Variants in NDUFB8 observed in about 807,000 individuals in gnomAD.
NDUFB8 encodes the protein NADH dehydrogenase [ubiquinone] 1 beta subcomplex subunit 8, mitochondrial.
NDUFB8 carries 17 observed loss-of-function variants against 26.0 expected under a neutral mutation model. The observed-to-expected ratio is 0.65, with a 90% confidence interval of 0.45 to 0.98. The LOEUF is 0.98. Ranked by LOEUF, NDUFB8 falls within the 50% of genes least tolerant of loss-of-function variation. The pLI is 0.00. For synonymous variants in NDUFB8, 89 were observed against 93.1 expected, an observed-to-expected ratio of 0.96 and a Z score of 0.25; for missense variants, 238 against 255.0, an observed-to-expected ratio of 0.93 and a Z score of 0.45.
Position 100,529,865 on chromosome 10 carries a change from A to T in NDUFB8, c.-14T>A. 1 of 1,613,318 alleles carries T rather than the reference A, an allele frequency of 6.2e-7. No homozygotes were observed. Among genetic ancestry groups the T allele is most frequent in the South Asian group, 1.1e-5 (1 of 90,970 alleles). On this transcript the variant is annotated 5_prime_UTR_variant, in exon 1 of 5. Coordinates refer to ENST00000299166, the MANE Select transcript of NDUFB8 (RefSeq NM_005004.4). ...GGCCACCGCCATCTTCACCTTCTTC[A>T]CGTTTCCCTTCTGCACATGCGCAAA...
Position 100,529,446 on chromosome 10 carries a change from GC to G in NDUFB8, c.145del (p.Ala49ProfsTer49). On this transcript the variant is annotated frameshift_variant, in exon 2 of 5. Transcript: ENST00000299166. LOFTEE classifies it high-confidence loss of function. Reference sequence around the variant, plus strand: ...CATATTATACTTCTTGGCGGCGGCGGCCCGTTCTTCTGGGGTCCTAGGATAG... The same window carrying G: ...CATATTATACTTCTTGGCGGCGGCGGCCGTTCTTCTGGGGTCCTAGGATAG... ...GPYPRTPEERAAAAKKYNMRV... is the reference protein window; with the variant it reads ...GPYPRTPEERXAAAKKYNMRV... 1 of 1,612,690 alleles carries G rather than the reference GC, an allele frequency of 6.2e-7. No homozygotes were observed. The highest frequency in any genetic ancestry group is 8.5e-7 in the Non-Finnish European group (1 of 1,179,590).
chr10:100,524,164 GAGGGAAGGGGGTT>G lies in NDUFB8; in HGVS notation c.469-248_469-236del. The G allele has an allele frequency of 6.5e-7, 1 of 1,547,188 alleles. No homozygotes were observed. The highest frequency in any genetic ancestry group is 8.8e-7 in the Non-Finnish European group (1 of 1,136,414). On this transcript the variant is annotated intron_variant, in intron 4 of 4. Coordinates refer to ENST00000299166, the MANE Select transcript of NDUFB8 (RefSeq NM_005004.4). This position sits in a 1 kb window ranked among gnomAD's most constrained non-coding sequence, Gnocchi z 4.0. ...ACTGTGAGAGAGAAGGAGAAAGGGG[GAGGGAAGGGGGTT>G]AGGGAAAGGAGGGGAAGGGAGGAAG...
rs761657977 is a variant in NDUFB8 at position 100,529,785 on chromosome 10, G to A, written c.67C>T (p.Pro23Ser). The A allele has an allele frequency of 6.2e-7, 1 of 1,613,432 alleles. No individual in the cohort carries two copies. Among genetic ancestry groups the A allele is most frequent in the South Asian group, 1.1e-5 (1 of 90,986 alleles). Reference sequence around the variant, plus strand: ...CGCGGACCTGTCCGTGCGCCCAGCGGCATCACGTTCCGGGATGCCCTTTGC... The same window carrying A: ...CGCGGACCTGTCCGTGCGCCCAGCGACATCACGTTCCGGGATGCCCTTTGC... ...WLQRASRNVM[P>S]LGARTASHMT... Residue 23 changes from proline (P) to serine (S), a missense_variant, in exon 1 of 5, where the codon CCG becomes TCG. Pro to Ser is a moderately conservative substitution (Grantham distance 74). Coordinates refer to ENST00000299166, the MANE Select transcript of NDUFB8 (RefSeq NM_005004.4).
In NDUFB8 at chr10:100,526,584, T is replaced by C. The variant is rs550290463; in HGVS notation, c.313-30A>G. On this transcript the variant is annotated intron_variant, in intron 3 of 4. Transcript: ENST00000299166. ...GGCAGAAAGACAAATAGCTGTCACA[T>C]ACTACTCTTCCTGCAAAATGCAGGC... 6.8e-6 allele frequency: 11 copies of C among 1,612,612 alleles called. No homozygotes were observed. The Admixed American group carries it at 8.4e-5, about 12-fold the overall frequency.
rs200080913 is a variant in NDUFB8, at chr10:100,526,520, C to T, written c.347G>A (p.Arg116His). Residue 116 changes from arginine to histidine, a missense_variant, in exon 4 of 5, where the codon CGT becomes CAT. Physicochemically the swap from Arg to His is conservative, Grantham distance 29 (BLOSUM62 0). Coordinates refer to ENST00000299166, the MANE Select transcript of NDUFB8 (RefSeq NM_005004.4). ...AACAGGTGTGGGGGATGTATCCACA[C>T]GGTTCCTGTTGTACATGTCTAGGTG... ...HWHLDMYNRN[R>H]VDTSPTPVSW... 144 of 1,612,472 alleles carry T rather than the reference C, an allele frequency of 8.9e-5. No individual in the cohort carries two copies. Among genetic ancestry groups the T allele is most frequent in the Middle Eastern group, 3.3e-4 (2 of 6,070 alleles).
At chr10:100,526,725 C>A in intron 3 of NDUFB8, 171 bp from the exon 4 acceptor site, 1 of 851,288 alleles carries the variant, frequency 1.2e-6, no homozygotes, top group Admixed American at 2.7e-5. Context: ...AGATGCTGGC[C>A]TCTGTCTAGG....
chr10:100,526,620 T>C lies in NDUFB8; in HGVS notation c.313-66A>G, dbSNP rs1234461416. ...CTGCAAAATGCAGGCAAGTCCCCAG[T>C]GATTAGAGCCTGATACAAGGCTAGA... On this transcript the variant is annotated intron_variant, in intron 3 of 4. Transcript: ENST00000299166. 6.3e-6 allele frequency: 10 copies of C among 1,576,642 alleles called. No homozygotes were observed. The African/African-American group carries it at 9.5e-5, about 15-fold the overall frequency.
chr10:100,524,140 C>T lies in NDUFB8; in HGVS notation c.469-211G>A. ...AATTGTAAGAGAAGTGGTGCCTACACTGTGAGAGAGAAGGAGAAAGGGGGA... is the reference window on the plus strand; with the variant it reads ...AATTGTAAGAGAAGTGGTGCCTACATTGTGAGAGAGAAGGAGAAAGGGGGA... On this transcript the variant is annotated intron_variant, in intron 4 of 4. Coordinates refer to ENST00000299166, the MANE Select transcript of NDUFB8 (RefSeq NM_005004.4). This position sits in a 1 kb window ranked among gnomAD's most constrained non-coding sequence, Gnocchi z 4.0. 6.4e-7 allele frequency: 1 copy of T among 1,569,634 alleles called. No homozygotes were observed. The highest frequency in any genetic ancestry group is 1.4e-5 in the African/African-American group (1 of 71,990).
Position 100,524,088 on chromosome 10 carries a change from C to T in NDUFB8, c.469-159G>A. 1 of 1,578,756 alleles carries T rather than the reference C, an allele frequency of 6.3e-7. No individual in the cohort carries two copies. The highest frequency in any genetic ancestry group is 1.2e-5 in the South Asian group (1 of 86,406). The stretch of plus-strand genomic sequence containing the variant: ...GCAGGAACAGCACTCCTCTTCCTCA[C>T]TCAGCCCAAGGCAGAGAGAAAGCCT... On this transcript the variant is annotated intron_variant, in intron 4 of 4. Transcript: ENST00000299166. The surrounding 1 kb of genome is among the most constrained non-coding windows in gnomAD (Gnocchi z 4.0).
chr10:100,529,659 C>T, intron 1 of NDUFB8, 108 bp downstream of exon 1: 1 of 1,537,080 alleles, frequency 6.5e-7, no homozygotes, highest in Non-Finnish European at 8.9e-7. Context: ...ACGCCACCTC[C>T]ACTCCCTACC....
At chr10:100,525,490 C>G (rs1277166852) in intron 4 of NDUFB8, among the ~76,000 whole-genome samples, 1 of 151,988 alleles carries the variant, frequency 6.6e-6, no homozygotes, top group Non-Finnish European at 1.5e-5. Context: ...AACTCCTGAG[C>G]TCAAGCAATC....
intron 2 of NDUFB8, 78 bp from the exon 3 acceptor site, chr10:100,527,152 G>A: frequency 8.4e-7 from 1 of 1,185,424 alleles, no homozygotes; most frequent in South Asian, 1.3e-5. Context: ...TTATAGATGA[G>A]AAACAAAGTG....
At chr10:100,526,176 C>T (rs1852046874) in intron 4 of NDUFB8, 1 of 436,770 alleles carries the variant, frequency 2.3e-6, no homozygotes, top group South Asian at 4.2e-5. Context: ...CTCATCTAGT[C>T]TTCAAGTGTA....
Position 100,529,814 on chromosome 10 carries a change from C to T in NDUFB8, c.38G>A (p.Trp13Ter). 1 of 1,613,912 alleles carries T rather than the reference C, an allele frequency of 6.2e-7. No homozygotes were observed. The highest frequency in any genetic ancestry group is 8.5e-7 in the Non-Finnish European group (1 of 1,179,946). Reference sequence around the variant, plus strand: ...CACGTTCCGGGATGCCCTTTGCAGCCACTGGACTCCCAAGACCCCGGCCCT... The same window carrying T: ...CACGTTCCGGGATGCCCTTTGCAGCTACTGGACTCCCAAGACCCCGGCCCT... ...VARAGVLGVQ[W>*]LQRASRNVMP... The change falls in exon 1 of 5, where the codon TGG (tryptophan) becomes TAG (stop). Residue 13 changes from tryptophan to a stop codon, truncating the protein, a stop_gained. Coordinates refer to ENST00000299166, the MANE Select transcript of NDUFB8 (RefSeq NM_005004.4). LOFTEE classifies it high-confidence loss of function.
intron 4 of NDUFB8, 176 bp downstream of exon 4, chr10:100,526,220 TGGA>T (rs1390368427): frequency 1.7e-6 from 1 of 589,784 alleles, no homozygotes; most frequent in Non-Finnish European, 2.8e-6. Context: ...GAAGTAGGGG[TGGA>T]GAAGTGCTGT....
intron 3 of NDUFB8, 169 bp downstream of exon 3, chr10:100,526,806 G>C: frequency 1.4e-6 from 1 of 737,134 alleles, no homozygotes; most frequent in Non-Finnish European, 2.2e-6. Context: ...ATGATTCCCA[G>C]ACGTCCCATT....
chr10:100,524,077 C>T lies in NDUFB8; in HGVS notation c.469-148G>A. The stretch of plus-strand genomic sequence containing the variant: ...GGGCTAGGAAGGCAGGAACAGCACT[C>T]CTCTTCCTCACTCAGCCCAAGGCAG... On this transcript the variant is annotated intron_variant, in intron 4 of 4. Transcript: ENST00000299166. The surrounding 1 kb of genome is among the most constrained non-coding windows in gnomAD (Gnocchi z 4.0). 1 of 1,579,466 alleles carries T rather than the reference C, an allele frequency of 6.3e-7. No homozygotes were observed. The highest frequency in any genetic ancestry group is 8.6e-7 in the Non-Finnish European group (1 of 1,162,306).
At chr10:100,526,252 A>G (rs1374947019) in intron 4 of NDUFB8, 147 bp downstream of exon 4, 4 of 885,864 alleles carry the variant, frequency 4.5e-6, no homozygotes, top group South Asian at 2.2e-5. Flanking sequence ...TGGCAGGCCA[A>G]TGGGTCAAGG....
chr10:100,529,688 C>T, intron 1 of NDUFB8, 79 bp downstream of exon 1: 5 of 1,554,112 alleles, frequency 3.2e-6, no homozygotes, highest in Non-Finnish European at 4.4e-6. Flanking sequence ...GCCGCCGCGG[C>T]ATCTACGATC....
Sources: allele counts gnomAD v4.1 joint callset (sites outside exome capture counted in the v4.1 genomes callset), GRCh38; gene constraint gnomAD v4.1.1; non-coding constraint Gnocchi (gnomAD v3.1); transcripts MANE v1.5; gene names NCBI Gene and HGNC (gene_info 2026-07-23, HGNC 2026-07-21).